SLC25A31: variants seen among roughly 807,000 people sequenced by gnomAD.
SLC25A31 encodes the protein solute carrier family 25 member 31.
In SLC25A31, 40 loss-of-function variants were observed where a neutral mutation model predicts 36.2. The ratio of observed to expected loss-of-function variants is 1.10; its 90% confidence interval spans 0.86 to 1.44. SLC25A31 has a LOEUF of 1.44. Ranked by LOEUF, SLC25A31 falls within the 40% of genes most tolerant of loss-of-function variation. The probability of loss-of-function intolerance (pLI) is 0.00; values close to 1 mark genes in which losing one functional copy is unlikely to be tolerated. For synonymous variants in SLC25A31, 143 were observed against 149.7 expected, an observed-to-expected ratio of 0.96 and a Z score of 0.32; for missense variants, 350 against 397.1, an observed-to-expected ratio of 0.88 and a Z score of 1.01.
At chr4:127,757,023 G>C (rs1250233110) in intron 2 of SLC25A31, among the ~76,000 whole-genome samples, 1 of 152,212 alleles carries the variant, frequency 6.6e-6, no homozygotes. Flanking sequence ...ACAATGTTCA[G>C]TAGCAGCTTT....
At chr4:127,766,399 C>G (rs1046027538) in intron 3 of SLC25A31, among the ~76,000 whole-genome samples, 4 of 152,074 alleles carry the variant, frequency 2.6e-5, no homozygotes, top group Non-Finnish European at 5.9e-5. Context: ...AACTCCTGAC[C>G]TCGTGATCCA....
chr4:127,755,243 G>A (rs896831375), intron 2 of SLC25A31, among the ~76,000 whole-genome samples: 4 of 152,072 alleles, frequency 2.6e-5, no homozygotes, highest in Admixed American at 1.3e-4. Context: ...ATGACCCTAA[G>A]AGCACAAGTA....
chr4:127,768,641 TTAAGTA>T (rs1732291583), intron 4 of SLC25A31, 105 bp from the exon 5 acceptor site: 5 of 869,754 alleles, frequency 5.7e-6, no homozygotes, highest in East Asian at 5.8e-5. Flanking sequence ...TTATTGCATT[TTAAGTA>T]TAATTGGGCC....
Position 127,730,509 on chromosome 4 carries a change from T to C in SLC25A31, c.-37T>C. ...TTCATCGTAGCTCCCGTACTCATTT[T>C]TAGCCACTGCTGCCGGTTTTTATAT... On this transcript the variant is annotated 5_prime_UTR_variant, in exon 1 of 6. Coordinates refer to ENST00000281154, the MANE Select transcript of SLC25A31 (RefSeq NM_031291.4). The C allele has an allele frequency of 6.3e-7, 1 of 1,598,348 alleles. No individual in the cohort carries two copies. Among genetic ancestry groups the C allele is most frequent in the Non-Finnish European group, 8.6e-7 (1 of 1,166,918 alleles).
At position 127,773,731 on chromosome 4, in the gene SLC25A31, A is replaced by G; in HGVS notation, c.*157A>G. The G allele has an allele frequency of 1.8e-6, 1 of 544,478 alleles. No individual in the cohort carries two copies. The highest frequency in any genetic ancestry group is 3.3e-5 in the East Asian group (1 of 29,916). 33.7% of individuals were successfully genotyped at this position (544,478 alleles called of 1,614,324 possible). On this transcript the variant is annotated 3_prime_UTR_variant, in exon 6 of 6. Transcript: ENST00000281154. ...ACATTTTTTCAAGAATTTAAATACT[A>G]AAAATCAGATAAATGTGGATTTTCC...
At chr4:127,740,125 T>C (rs1437232611) in intron 1 of SLC25A31, among the ~76,000 whole-genome samples, 1 of 152,196 alleles carries the variant, frequency 6.6e-6, no homozygotes, top group Non-Finnish European at 1.5e-5. Context: ...GGTGTTGTTA[T>C]TACATTCACA....
chr4:127,744,513 C>T (rs1237927411), intron 1 of SLC25A31, among the ~76,000 whole-genome samples, 159 bp from the exon 2 acceptor site: 1 of 152,050 alleles, frequency 6.6e-6, no homozygotes, highest in African/African-American at 2.4e-5. Context: ...TTAACACTGC[C>T]TTTTTATTTT....
intron 1 of SLC25A31, among the ~76,000 whole-genome samples, chr4:127,734,245 A>G (rs555956305): frequency 6.6e-6 from 1 of 152,190 alleles, no homozygotes; most frequent in African/African-American, 2.4e-5. Flanking sequence ...TCTTATTAGT[A>G]TATTGTAAAT....
intron 3 of SLC25A31, among the ~76,000 whole-genome samples, chr4:127,765,861 T>C (rs914209053): frequency 6.6e-6 from 1 of 152,184 alleles, no homozygotes; most frequent in Non-Finnish European, 1.5e-5. Context: ...AGTTTATTTT[T>C]ATTAATAAGA....
In SLC25A31 at chr4:127,764,282, GC is replaced by G; in HGVS notation, c.401del (p.Ala134ValfsTer9). ...TTTGGCAAACCTGGCTTCTGGTGGA[GC>G]TGCTGGGGCAACATCCTTATGTGTA... ...WFLANLASGG[A>X]AGATSLCVVY... On this transcript the variant is annotated frameshift_variant, in exon 3 of 6. Coordinates refer to ENST00000281154, the MANE Select transcript of SLC25A31 (RefSeq NM_031291.4). LOFTEE classifies it high-confidence loss of function. 2 of 1,613,914 alleles carry G rather than the reference GC, an allele frequency of 1.2e-6. No individual in the cohort carries two copies. The highest frequency in any genetic ancestry group is 1.7e-6 in the Non-Finnish European group (2 of 1,179,894).
At chr4:127,740,945 A>G (rs1731722740) in intron 1 of SLC25A31, among the ~76,000 whole-genome samples, 1 of 152,152 alleles carries the variant, frequency 6.6e-6, no homozygotes, top group Non-Finnish European at 1.5e-5. Context: ...TCAGTTTTTT[A>G]AACTTTTTGG....
At chr4:127,736,797 GTTAC>G (rs966127875) in intron 1 of SLC25A31, among the ~76,000 whole-genome samples, 2 of 152,184 alleles carry the variant, frequency 1.3e-5, no homozygotes, top group Non-Finnish European at 2.9e-5. Flanking sequence ...TCAAGTAATT[GTTAC>G]TAATGTGTAT....
intron 1 of SLC25A31, among the ~76,000 whole-genome samples, chr4:127,735,922 C>T (rs1731623515): frequency 7.7e-6 from 1 of 130,532 alleles, no homozygotes; most frequent in African/African-American, 2.8e-5. Flanking sequence ...CGGAGTCTCG[C>T]TCTGTCGCCC....
chr4:127,734,246 T>A (rs921245347), intron 1 of SLC25A31, among the ~76,000 whole-genome samples: 1 of 152,184 alleles, frequency 6.6e-6, no homozygotes, highest in African/African-American at 2.4e-5. Flanking sequence ...CTTATTAGTA[T>A]ATTGTAAATG....
chr4:127,735,888 A>ATTT lies in SLC25A31; in HGVS notation c.232+5112_232+5114dup, dbSNP rs1250183377. Among the ~76,000 whole-genome samples, 9 of 47,844 alleles carry ATTT rather than the reference A, an allele frequency of 1.9e-4. 1 individual carries two copies. The highest frequency in any genetic ancestry group is 3.8e-4 in the African/African-American group (5 of 13,080). The allele number at this position is 47,844 out of a possible 152,430, so 31.4% of individuals were successfully genotyped here. ...TTTTATTTTATTTATTTATTTATTT[A>ATTT]TTTATTTATTTTTTTTTTTGAGACG... On this transcript the variant is annotated intron_variant, in intron 1 of 5. Transcript: ENST00000281154.
chr4:127,766,420 C>T (rs1219371337), intron 3 of SLC25A31, among the ~76,000 whole-genome samples: 1 of 151,610 alleles, frequency 6.6e-6, no homozygotes, highest in Non-Finnish European at 1.5e-5. Flanking sequence ...CCCACCTCAG[C>T]CTCCCAAAGT....
chr4:127,737,756 A>G (rs1427931337), intron 1 of SLC25A31, among the ~76,000 whole-genome samples: 2 of 152,134 alleles, frequency 1.3e-5, no homozygotes, highest in East Asian at 1.9e-4. Flanking sequence ...ATAGGGTCTC[A>G]CTGTGTTACC....
chr4:127,756,847 C>T (rs770950418), intron 2 of SLC25A31, among the ~76,000 whole-genome samples: 30 of 152,174 alleles, frequency 2.0e-4, no homozygotes, highest in Non-Finnish European at 1.5e-4. Context: ...AACCAAATCA[C>T]TCTCATATTG....
chr4:127,751,215 C>T (rs2148758449), intron 2 of SLC25A31, among the ~76,000 whole-genome samples: 2 of 152,230 alleles, frequency 1.3e-5, no homozygotes, highest in Middle Eastern at 3.4e-3. Flanking sequence ...GTACTGGTAT[C>T]AAAACAGAGA....
Sources: allele counts gnomAD v4.1 joint callset (sites outside exome capture counted in the v4.1 genomes callset), GRCh38; gene constraint gnomAD v4.1.1; transcripts MANE v1.5; gene names NCBI Gene and HGNC (gene_info 2026-07-23, HGNC 2026-07-21).